The following BROX variants were observed in gnomAD, a reference collection of about 807,000 sequenced individuals.
BROX encodes BRO1 domain and CAAX motif containing.
Under a neutral mutation model 61.0 loss-of-function variants are expected in BROX, and 53 were observed. The ratio of observed to expected loss-of-function variants is 0.87; its 90% CI spans 0.70 to 1.09. The LOEUF (loss-of-function observed/expected upper bound fraction) is 1.09. BROX is among the 50% of genes least tolerant of loss of function. The pLI is 0.00. For missense variants in BROX, 489 were observed against 472.0 expected (o/e 1.04, Z -0.33); for synonymous variants, 152 against 160.2 (o/e 0.95, Z 0.38).
chr1:222,718,961 G>A lies in BROX; in HGVS notation c.138G>A (p.Leu46=). ...LRSSRARLLE[L]FTDLSCNPEM... ...CATCCAGGGCACGACTCCTTGAACTGTTCACTGATTTGAGCTGTAATCCAG... is the reference window on the plus strand; with the variant it reads ...CATCCAGGGCACGACTCCTTGAACTATTCACTGATTTGAGCTGTAATCCAG... Residue 46 remains leucine (L), a synonymous_variant, in exon 3 of 13, where the codon CTG becomes CTA. Transcript: ENST00000340934. The A allele has an allele frequency of 6.2e-7, 1 of 1,613,842 alleles. No homozygotes were observed. The highest frequency in any genetic ancestry group is 1.7e-5 in the Admixed American group (1 of 59,968).
chr1:222,726,039 C>T (rs576897403), intron 7 of BROX, among the ~76,000 whole-genome samples: 2 of 152,148 alleles, frequency 1.3e-5, no homozygotes, highest in African/African-American at 4.8e-5. Context: ...CAGGAAAGGC[C>T]TTACAGTTTA....
chr1:222,733,234 C>G lies in BROX; in HGVS notation c.*520C>G, dbSNP rs1442149208. On this transcript the variant is annotated 3_prime_UTR_variant, in exon 13 of 13. Coordinates refer to ENST00000340934, the MANE Select transcript of BROX (RefSeq NM_144695.4). ...TAGCTGGGATTACAGGCACGCACCA[C>G]TACACCCAGATAATTTTTGTATTTT... 1 of 152,486 alleles carries G rather than the reference C, an allele frequency of 6.6e-6. No homozygotes were observed. Among genetic ancestry groups the G allele is most frequent in the Non-Finnish European group, 1.5e-5 (1 of 68,498 alleles). The allele number at this position is 152,486 out of a possible 1,614,324, so 9.4% of individuals were successfully genotyped here.
At position 222,722,365 on chromosome 1, in the gene BROX, T is replaced by C. The variant is rs1657164461; in HGVS notation, c.306-54T>C. Reference sequence around the variant, plus strand: ...TGAGTCGGATATCCAGTAGGCTTCATGGTGTGATGTCTGGATAATTGACAG... The same window carrying C: ...TGAGTCGGATATCCAGTAGGCTTCACGGTGTGATGTCTGGATAATTGACAG... On this transcript the variant is annotated intron_variant, in intron 4 of 12. Transcript: ENST00000340934. 7.8e-6 allele frequency: 11 copies of C among 1,411,990 alleles called. No homozygotes were observed. In the Admixed American group the frequency reaches 1.7e-4, roughly 22 times the overall value. The allele number at this position is 1,411,990 out of a possible 1,614,324, so 87.5% of individuals were successfully genotyped here.
intron 2 of BROX, among the ~76,000 whole-genome samples, chr1:222,717,534 G>A (rs954036247): frequency 6.6e-6 from 1 of 152,178 alleles, no homozygotes; most frequent in Non-Finnish European, 1.5e-5. Flanking sequence ...TAGGCTTTAA[G>A]GATTCAAATT....
rs1228752339 is a variant in BROX at position 222,727,230 on chromosome 1, G to C, written c.643G>C (p.Glu215Gln). The C allele has an allele frequency of 1.2e-6, 2 of 1,613,044 alleles. No homozygotes were observed. The highest frequency in any genetic ancestry group is 1.3e-5 in the African/African-American group (1 of 74,898). The change falls in exon 8 of 13, where the codon GAA becomes CAA. Residue 215 changes from glutamate to glutamine, a missense_variant. Glu to Gln is a conservative substitution (Grantham distance 29). Coordinates refer to ENST00000340934, the MANE Select transcript of BROX (RefSeq NM_144695.4). Reference sequence around the variant, plus strand: ...TGGACTAATTGCTGCACTGGCGTATGAAACAGCCAATTTCTATCAAAAAGC... The same window carrying C: ...TGGACTAATTGCTGCACTGGCGTATCAAACAGCCAATTTCTATCAAAAAGC... ...APGLIAALAY[E>Q]TANFYQKADH...
Position 222,731,524 on chromosome 1 carries a change from A to AT in BROX, c.1149+10dup. On this transcript the variant is annotated intron_variant, in intron 12 of 12. Coordinates refer to ENST00000340934, the MANE Select transcript of BROX (RefSeq NM_144695.4). ...AGACCCAAGGATGACAGTGTATGAG[A>AT]TTGTTTTTTTTTTTCCCTCTCATTC... 6.4e-7 allele frequency: 1 copy of AT among 1,568,860 alleles called. No individual in the cohort carries two copies. The highest frequency in any genetic ancestry group is 8.6e-7 in the Non-Finnish European group (1 of 1,166,814).
Position 222,712,615 on chromosome 1 carries a change from G to A in BROX, c.-344G>A, listed in dbSNP as rs1040075816. 3.7e-6 allele frequency: 5 copies of A among 1,339,856 alleles called. No homozygotes were observed. The African/African-American group carries it at 5.9e-5, about 16-fold the overall frequency. 83.0% of individuals were successfully genotyped at this position (1,339,856 alleles called of 1,614,324 possible). On this transcript the variant is annotated 5_prime_UTR_variant, in exon 1 of 13. Coordinates refer to ENST00000340934, the MANE Select transcript of BROX (RefSeq NM_144695.4). ...TGCGGCATTCTCCCTCGGCTCCGGA[G>A]GTAGGGGCAACTCTTCTCTTCCTGT... is the stretch of plus-strand genomic sequence containing the variant.
chr1:222,719,487 A>T, intron 4 of BROX, 128 bp downstream of exon 4: 1 of 640,540 alleles, frequency 1.6e-6, no homozygotes, highest in Admixed American at 3.0e-5. Context: ...CTTACCAGGA[A>T]ATTAATTAAA....
intron 11 of BROX, among the ~76,000 whole-genome samples, 192 bp from the exon 12 acceptor site, chr1:222,731,165 A>T (rs1023915790): frequency 7.9e-5 from 12 of 152,162 alleles, no homozygotes; most frequent in African/African-American, 2.7e-4. Context: ...ATGGCACTCT[A>T]CATCCATGGT....
At chr1:222,721,537 GCTTT>G (rs1331935787) in intron 4 of BROX, among the ~76,000 whole-genome samples, 4 of 151,816 alleles carry the variant, frequency 2.6e-5, no homozygotes, top group Admixed American at 2.6e-4. Flanking sequence ...AGGATATTCT[GCTTT>G]CTTCATCAGT....
rs1044575249 is a variant in BROX at position 222,718,997 on chromosome 1, G to T, written c.174G>T (p.Lys58Asn). 1 of 1,613,490 alleles carries T rather than the reference G, an allele frequency of 6.2e-7. No individual in the cohort carries two copies. The highest frequency in any genetic ancestry group is 1.3e-5 in the African/African-American group (1 of 74,874). Residue 58 changes from lysine to asparagine, a missense_variant, in exon 3 of 13, where the codon AAG becomes AAT. Physicochemically the swap from Lys to Asn is moderately conservative, Grantham distance 94. Transcript: ENST00000340934. The part of the protein sequence containing the change: ...TDLSCNPEMM[K>N]NAADSYFSLL... ...TGAGCTGTAATCCAGAAATGATGAA[G>T]AATGCAGCAGATTCATATTTCTCAC... is the stretch of plus-strand genomic sequence containing the variant.
chr1:222,729,966 G>A, intron 10 of BROX, 61 bp from the exon 11 acceptor site: 2 of 1,504,380 alleles, frequency 1.3e-6, no homozygotes, highest in African/African-American at 1.4e-5. Flanking sequence ...TTAAAGCCTT[G>A]TAGGGATAAA....
chr1:222,712,856 C>T lies in BROX; in HGVS notation c.-103C>T, dbSNP rs1034779569. The T allele has an allele frequency of 2.4e-6, 3 of 1,275,856 alleles. No individual in the cohort carries two copies. Among genetic ancestry groups the T allele is most frequent in the Non-Finnish European group, 3.1e-6 (3 of 979,988 alleles). 79.0% of individuals were successfully genotyped at this position (1,275,856 alleles called of 1,614,324 possible). On this transcript the variant is annotated 5_prime_UTR_variant, in exon 1 of 13. Transcript: ENST00000340934. ...ACCCTGGTTCTGTAGTCTCGGTTCT[C>T]CGACTCCCTCTTTTTCTCGCTTGTG...
rs1658027618 is a variant in BROX at position 222,732,641 on chromosome 1, C to T, written c.1163C>T (p.Pro388Leu). The change falls in exon 13 of 13, where the codon CCA (proline) becomes CTA (leucine). Residue 388 changes from proline to leucine, a missense_variant. Coordinates refer to ENST00000340934, the MANE Select transcript of BROX (RefSeq NM_144695.4). ...RPKDDSTKPKPEEEVKPVKEP... is the reference protein window; with the variant it reads ...RPKDDSTKPKLEEEVKPVKEP... Reference sequence around the variant, plus strand: ...TTTTCTCCCTAGACTAAACCCAAACCAGAAGAAGAAGTGAAACCTGTGAAA... The same window carrying T: ...TTTTCTCCCTAGACTAAACCCAAACTAGAAGAAGAAGTGAAACCTGTGAAA... 1.2e-6 allele frequency: 2 copies of T among 1,613,218 alleles called. No individual in the cohort carries two copies. Among genetic ancestry groups the T allele is most frequent in the Admixed American group, 3.3e-5 (2 of 59,952 alleles).
chr1:222,735,044 A>C lies in BROX; in HGVS notation c.*2330A>C, dbSNP rs909356521. 1 of 152,236 alleles carries C rather than the reference A, an allele frequency of 6.6e-6. No homozygotes were observed. The highest frequency in any genetic ancestry group is 1.5e-5 in the Non-Finnish European group (1 of 68,034). 9.4% of individuals were successfully genotyped at this position (152,236 alleles called of 1,614,324 possible). On this transcript the variant is annotated 3_prime_UTR_variant, in exon 13 of 13. Coordinates refer to ENST00000340934, the MANE Select transcript of BROX (RefSeq NM_144695.4). ...GAATTATCAAATGTATAGAAGTTGC[A>C]TGAAGGTTATAGAGAGGTGTAACTG... is the stretch of plus-strand genomic sequence containing the variant.
chr1:222,719,761 C>T (rs1656925990), intron 4 of BROX, among the ~76,000 whole-genome samples: 1 of 152,174 alleles, frequency 6.6e-6, no homozygotes, highest in Admixed American at 6.5e-5. Context: ...TTGTCTCATT[C>T]TTTCTCTCCA....
In BROX at chr1:222,732,795, T is replaced by C; in HGVS notation, c.*81T>C. ...TCAGTTCTTATTTCTCAAAATGATT[T>C]CTCTGAAGCTTGTAGAATAACTATT... On this transcript the variant is annotated 3_prime_UTR_variant, in exon 13 of 13. Transcript: ENST00000340934. 2.7e-6 allele frequency: 3 copies of C among 1,123,392 alleles called. No individual in the cohort carries two copies. The highest frequency in any genetic ancestry group is 3.9e-6 in the Non-Finnish European group (3 of 767,260). The allele number at this position is 1,123,392 out of a possible 1,614,324, so 69.6% of individuals were successfully genotyped here.
At position 222,733,984 on chromosome 1, in the gene BROX, G is replaced by GT. The variant is rs1200325172; in HGVS notation, c.*1274dup. ...TTTCAGTGTACATTGTTTTTATGTG[G>GT]TTTTCTGATAATGTCCTGTCAGAAT... On this transcript the variant is annotated 3_prime_UTR_variant, in exon 13 of 13. Transcript: ENST00000340934. 2.6e-5 allele frequency: 4 copies of GT among 152,094 alleles called. No homozygotes were observed. The highest frequency in any genetic ancestry group is 4.8e-5 in the African/African-American group (2 of 41,420). The allele number at this position is 152,094 out of a possible 1,614,324, so 9.4% of individuals were successfully genotyped here. A position where few individuals can be genotyped will look rare whatever the true frequency, so the allele number is the denominator to read the frequency against.
In BROX at chr1:222,716,642, C is replaced by T. The variant is rs779810680; in HGVS notation, c.101+842C>T. The stretch of plus-strand genomic sequence containing the variant: ...AGCCAGCCCCACATTTATTGACATA[C>T]TGTGTATGGCTGCCTCTGGCTGCTT... On this transcript the variant is annotated intron_variant, in intron 2 of 12. Coordinates refer to ENST00000340934, the MANE Select transcript of BROX (RefSeq NM_144695.4). Among the ~76,000 whole-genome samples, 18 of 152,284 alleles carry T rather than the reference C, an allele frequency of 1.2e-4. No homozygotes were observed. In the East Asian group the frequency reaches 2.9e-3, roughly 25 times the overall value.
Sources: gnomAD v4.1 joint callset for allele counts (sites outside exome capture counted in the v4.1 genomes callset) on GRCh38, gnomAD v4.1.1 for gene constraint, MANE v1.5 for transcripts, NCBI Gene and HGNC (gene_info 2026-07-23, HGNC 2026-07-21) for gene names.